The following ASAP1 variants were observed in gnomAD, a reference collection of about 807,000 sequenced individuals.
ASAP1 encodes arf-GAP with SH3 domain, ANK repeat and PH domain-containing protein 1.
Under a neutral mutation model 145.2 loss-of-function variants are expected in ASAP1, and 43 were observed. That is an observed-to-expected ratio of 0.30 (90% CI 0.23 to 0.38). ASAP1 has a LOEUF of 0.38. ASAP1 is among the 10% of genes least tolerant of loss of function. The pLI, the probability that ASAP1 is intolerant of heterozygous loss-of-function variation, is 1.00. For synonymous variants in ASAP1, 546 were observed against 515.5 expected, an observed-to-expected ratio of 1.06 and a Z score of -0.80; for missense variants, 1,018 against 1,355.3, an observed-to-expected ratio of 0.75 and a Z score of 3.91.
At chr8:130,346,973 A>T (rs1021215789) in intron 3 of ASAP1, among the ~76,000 whole-genome samples, 6 of 152,242 alleles carry the variant, frequency 3.9e-5, no homozygotes, top group Admixed American at 2.6e-4. Context: ...CAATGAAGAC[A>T]ATTTTATTTC....
chr8:130,300,169 G>C (rs1354674014), intron 3 of ASAP1, among the ~76,000 whole-genome samples: 7 of 143,842 alleles, frequency 4.9e-5, no homozygotes, highest in South Asian at 2.2e-4. Context: ...GAGAGAGAGA[G>C]AGAGAGAGAG....
chr8:130,307,103 C>T (rs530238805), intron 3 of ASAP1, among the ~76,000 whole-genome samples: 19 of 152,270 alleles, frequency 1.2e-4, no homozygotes, highest in East Asian at 5.8e-4. Flanking sequence ...TATTTGTGTT[C>T]TCCATAAAAG....
intron 4 of ASAP1, among the ~76,000 whole-genome samples, chr8:130,232,220 T>C (rs1480492816): frequency 6.6e-6 from 1 of 152,198 alleles, no homozygotes; most frequent in African/African-American, 2.4e-5. Flanking sequence ...AACTCTGGTG[T>C]ACATTCAAGG....
At chr8:130,421,363 G>A (rs975926384) in intron 1 of ASAP1, among the ~76,000 whole-genome samples, 5 of 152,152 alleles carry the variant, frequency 3.3e-5, no homozygotes, top group Non-Finnish European at 7.3e-5. Context: ...ACAAGATGTT[G>A]AGCCCCATTC....
chr8:130,421,158 A>C (rs931541397), intron 1 of ASAP1, among the ~76,000 whole-genome samples: 2 of 152,206 alleles, frequency 1.3e-5, no homozygotes, highest in Non-Finnish European at 2.9e-5. Flanking sequence ...TACCAGCAAC[A>C]GTCTTAGTGT....
chr8:130,275,631 A>T (rs1820834582), intron 3 of ASAP1, among the ~76,000 whole-genome samples: 2 of 145,382 alleles, frequency 1.4e-5, no homozygotes, highest in South Asian at 4.3e-4. Flanking sequence ...AACTTCAGTT[A>T]AAAAAAAAAA....
At chr8:130,141,384 C>G (rs1448090459) in intron 13 of ASAP1, among the ~76,000 whole-genome samples, 1 of 152,116 alleles carries the variant, frequency 6.6e-6, no homozygotes, top group African/African-American at 2.4e-5. Flanking sequence ...TGCAGGCCCT[C>G]GGAGAGCTCC....
intron 3 of ASAP1, among the ~76,000 whole-genome samples, chr8:130,328,907 G>A (rs997739933): frequency 2.0e-5 from 3 of 152,154 alleles, no homozygotes; most frequent in Non-Finnish European, 2.9e-5. Flanking sequence ...TGGGATTACA[G>A]ACATGGGTCT....
intron 3 of ASAP1, among the ~76,000 whole-genome samples, chr8:130,275,468 C>A (rs563756370): frequency 2.6e-5 from 4 of 152,012 alleles, no homozygotes; most frequent in Non-Finnish European, 5.9e-5. Context: ...GGCGTCCCAG[C>A]GCCTGCACAC....
At chr8:130,383,834 A>T (rs1390723189) in intron 2 of ASAP1, among the ~76,000 whole-genome samples, 2 of 152,180 alleles carry the variant, frequency 1.3e-5, no homozygotes, top group African/African-American at 2.4e-5. Context: ...ACACTAAAAG[A>T]CACCTAACTG....
At chr8:130,145,467 G>A (rs143774605) in intron 13 of ASAP1, among the ~76,000 whole-genome samples, 2,581 of 152,088 alleles carry the variant, frequency 0.017, 36 homozygotes, top group East Asian at 0.053. Context: ...ACAGGCACGC[G>A]CCACCACACC....
At chr8:130,373,381 T>C (rs1451381680) in intron 2 of ASAP1, among the ~76,000 whole-genome samples, 1 of 152,112 alleles carries the variant, frequency 6.6e-6, no homozygotes, top group Non-Finnish European at 1.5e-5. Context: ...AACACAGCAG[T>C]TATGCTGGGA....
intron 3 of ASAP1, among the ~76,000 whole-genome samples, chr8:130,352,997 T>C (rs1826088983): frequency 1.3e-5 from 2 of 152,242 alleles, no homozygotes; most frequent in South Asian, 2.1e-4. Context: ...ATTGTATCCC[T>C]GGGCCTAGCA....
intron 27 of ASAP1, among the ~76,000 whole-genome samples, chr8:130,070,383 T>A (rs1473849569): frequency 6.6e-6 from 1 of 152,150 alleles, no homozygotes; most frequent in East Asian, 1.9e-4. Flanking sequence ...GAACACAGTA[T>A]CACACTGGAG....
At chr8:130,073,352 T>C (rs1406553401) in intron 27 of ASAP1, among the ~76,000 whole-genome samples, 2 of 148,324 alleles carry the variant, frequency 1.3e-5, no homozygotes, top group African/African-American at 5.0e-5. Context: ...ATCGCACCAT[T>C]GCACTCCAGC....
chr8:130,361,724 T>G, intron 2 of ASAP1: 1 of 1,535,926 alleles, frequency 6.5e-7, no homozygotes, highest in Non-Finnish European at 8.7e-7. Flanking sequence ...GTGAAAACCA[T>G]CTGCACCTCT....
intron 3 of ASAP1, among the ~76,000 whole-genome samples, chr8:130,323,496 G>A (rs762691992): frequency 5.3e-5 from 8 of 152,124 alleles, no homozygotes; most frequent in Non-Finnish European, 8.8e-5. Context: ...ATTTCCACCT[G>A]CCAGTCCCCT....
chr8:130,400,200 A>G (rs1828721763), intron 2 of ASAP1, among the ~76,000 whole-genome samples: 1 of 152,054 alleles, frequency 6.6e-6, no homozygotes. Context: ...GCACCCACAC[A>G]CTTTCCACTA....
intron 1 of ASAP1, among the ~76,000 whole-genome samples, chr8:130,420,960 G>T (rs748104459): frequency 7.2e-5 from 11 of 151,866 alleles, no homozygotes; most frequent in Non-Finnish European, 1.3e-4. Flanking sequence ...TCCCTCACTG[G>T]CAATAATAAT....
Sources: allele counts gnomAD v4.1 joint callset (sites outside exome capture counted in the v4.1 genomes callset), GRCh38; gene constraint gnomAD v4.1.1; transcripts MANE v1.5; gene names NCBI Gene and HGNC (gene_info 2026-07-23, HGNC 2026-07-21).